Variants in CAST observed in about 807,000 individuals in gnomAD.
CAST encodes the protein MIR583 host.
CAST carries 76 observed loss-of-function variants against 119.6 expected under a neutral mutation model. That is an observed-to-expected ratio of 0.64 (90% confidence interval 0.53 to 0.77). The LOEUF (loss-of-function observed/expected upper bound fraction) is 0.77, where lower values mean the gene tolerates loss of function less well. Among genes scored for constraint, CAST ranks in the 30% least tolerant of loss-of-function variants. The pLI is 0.00. For missense variants in CAST, 953 were observed against 946.5 expected, an observed-to-expected ratio of 1.01 and a Z score of -0.09; for synonymous variants, 319 against 331.6, an observed-to-expected ratio of 0.96 and a Z score of 0.41.
chr5:96,381,946 G>A, the CAST span, among the ~76,000 whole-genome samples: 1 of 152,174 alleles, frequency 6.6e-6, no homozygotes, highest in African/African-American at 2.4e-5. Context: ...TTATGATCCA[G>A]TGCTTCAACT....
chr5:96,268,998 G>C, the CAST span, among the ~76,000 whole-genome samples: 4 of 152,108 alleles, frequency 2.6e-5, no homozygotes, highest in African/African-American at 9.7e-5. Flanking sequence ...GTTCTCTCTT[G>C]CTACTGCTGC....
the CAST span, among the ~76,000 whole-genome samples, chr5:96,452,642 A>T: frequency 4.1e-5 from 3 of 73,492 alleles, no homozygotes; most frequent in East Asian, 1.8e-3. Context: ...AAGTATAATA[A>T]AAAAAAAAAA....
At position 96,763,425 on chromosome 5, in the gene CAST, G is replaced by A. The variant is rs77217662; in HGVS notation, c.1932+1053G>A. Among the ~76,000 whole-genome samples the A allele has an allele frequency of 4.7e-3, 713 of 152,268 alleles. 4 individuals are homozygous for A. The highest frequency in any genetic ancestry group is 0.016 in the African/African-American group (676 of 41,550). ...AAGAAAGTCCCCATGCAACAGAAAGGAAGAATCATTAATAGCCTAGGCTGC... is the reference window on the plus strand; with the variant it reads ...AAGAAAGTCCCCATGCAACAGAAAGAAAGAATCATTAATAGCCTAGGCTGC... On this transcript the variant is annotated intron_variant, in intron 25 of 31. Coordinates refer to ENST00000675179, the MANE Select transcript of CAST (RefSeq NM_001750.7).
chr5:96,131,040 T>TA, the CAST span, among the ~76,000 whole-genome samples: 36 of 152,082 alleles, frequency 2.4e-4, no homozygotes, highest in African/African-American at 8.4e-4. Context: ...CCTACAGCAA[T>TA]AAAAGCAGCA....
intron 3 of CAST, among the ~76,000 whole-genome samples, chr5:96,706,944 G>C (rs1382271778): frequency 1.3e-5 from 2 of 152,184 alleles, no homozygotes; most frequent in African/African-American, 2.4e-5. Flanking sequence ...GATTGGGTGT[G>C]TGTTGTCAGT....
intron 1 of CAST, among the ~76,000 whole-genome samples, chr5:96,572,778 T>C (rs1359969615): frequency 1.3e-5 from 2 of 152,178 alleles, no homozygotes; most frequent in African/African-American, 4.8e-5. Context: ...AGGCTTTCTC[T>C]TTCCTCAGGC....
the CAST span, among the ~76,000 whole-genome samples, chr5:96,420,879 G>A: frequency 2.6e-5 from 4 of 152,082 alleles, no homozygotes; most frequent in Non-Finnish European, 5.9e-5. Context: ...AGAGAATAAA[G>A]AAGCGCTTCA....
At chr5:96,283,137 A>AAAAAAAG in the CAST span, among the ~76,000 whole-genome samples, 54 of 132,980 alleles carry the variant, frequency 4.1e-4, 5 homozygotes, top group Middle Eastern at 7.8e-3. Flanking sequence ...CTCAAAAAAA[A>AAAAAAAG]AAAAAAAAGA....
the CAST span, among the ~76,000 whole-genome samples, chr5:96,253,265 A>G: frequency 2.0e-5 from 3 of 152,168 alleles, no homozygotes; most frequent in South Asian, 6.2e-4. Flanking sequence ...AATGACTTGT[A>G]TTTGTTTCTC....
chr5:96,741,654 C>T lies in CAST; in HGVS notation c.1098+74C>T, dbSNP rs568313647. 1.5e-5 allele frequency: 14 copies of T among 935,774 alleles called. 1 individual carries two copies. In the Admixed American group the frequency reaches 2.8e-4, roughly 19 times the overall value. The allele number at this position is 935,774 out of a possible 1,614,324, so 58.0% of individuals were successfully genotyped here. A position where few individuals can be genotyped will look rare whatever the true frequency, so the allele number is the denominator to read the frequency against. The stretch of plus-strand genomic sequence containing the variant: ...AGCTCATTCAGGAAACTGCCAGTAG[C>T]ACATAACCCATGATGAGAAGCCATG... On this transcript the variant is annotated intron_variant, in intron 15 of 31. Transcript: ENST00000675179.
chr5:96,153,101 T>G, the CAST span, among the ~76,000 whole-genome samples: 15 of 152,366 alleles, frequency 9.8e-5, no homozygotes, highest in African/African-American at 3.6e-4. Context: ...TGTGAAACAT[T>G]TCAAAAATCA....
intron 1 of CAST, among the ~76,000 whole-genome samples, chr5:96,657,026 A>G (rs1202054889): frequency 5.5e-3 from 2 of 366 alleles, no homozygotes; most frequent in Non-Finnish European, 0.01. Context: ...CTGAGCTGGA[A>G]ACAAATGCAG....
At chr5:96,118,630 CTTTTT>C in the CAST span, among the ~76,000 whole-genome samples, 2 of 129,938 alleles carry the variant, frequency 1.5e-5, no homozygotes, top group African/African-American at 2.8e-5. Context: ...TGGAAATTTG[CTTTTT>C]TTTTTTTTTT....
the CAST span, among the ~76,000 whole-genome samples, chr5:96,201,811 C>G: frequency 6.6e-6 from 1 of 152,090 alleles, no homozygotes; most frequent in Non-Finnish European, 1.5e-5. Flanking sequence ...AATCTACTGT[C>G]CTGTCTACTT....
chr5:96,396,856 A>G, the CAST span, among the ~76,000 whole-genome samples: 3 of 152,346 alleles, frequency 2.0e-5, no homozygotes, highest in South Asian at 4.1e-4. Flanking sequence ...TTCATGACTA[A>G]AACTGTTTAA....
chr5:96,139,528 A>G, the CAST span, among the ~76,000 whole-genome samples: 1 of 120,236 alleles, frequency 8.3e-6, no homozygotes, highest in Non-Finnish European at 1.7e-5. Flanking sequence ...GTGTATATAT[A>G]TACATATATA....
the CAST span, among the ~76,000 whole-genome samples, chr5:95,996,465 G>C: frequency 3.3e-5 from 5 of 152,026 alleles, no homozygotes; most frequent in Non-Finnish European, 5.9e-5. Flanking sequence ...TTTTATAATG[G>C]CTTCTTTGGA....
intron 1 of CAST, among the ~76,000 whole-genome samples, chr5:96,592,144 C>T (rs1561424797): frequency 6.6e-6 from 1 of 152,074 alleles, no homozygotes; most frequent in Non-Finnish European, 1.5e-5. Context: ...TGCCTGTGGT[C>T]CTGGCAATTT....
At chr5:96,090,170 G>T in the CAST span, among the ~76,000 whole-genome samples, 1 of 152,114 alleles carries the variant, frequency 6.6e-6, no homozygotes, top group Non-Finnish European at 1.5e-5. Context: ...CCCTTGCAAG[G>T]CTTCAGGTTG....
Sources: gnomAD v4.1 joint callset for allele counts (sites outside exome capture counted in the v4.1 genomes callset) on GRCh38, gnomAD v4.1.1 for gene constraint, MANE v1.5 for transcripts, NCBI Gene and HGNC (gene_info 2026-07-23, HGNC 2026-07-21) for gene names.